Variants in GRM1 observed in about 807,000 individuals in gnomAD.
The protein encoded by GRM1 is metabotropic glutamate receptor 1.
GRM1 carries 33 observed loss-of-function variants against 90.9 expected under a neutral mutation model. That is an observed-to-expected ratio of 0.36 (90% CI 0.28 to 0.49). The LOEUF is 0.49. GRM1 is among the 20% of genes least tolerant of loss of function. GRM1 has a pLI of 0.99. For synonymous variants in GRM1, 700 were observed against 613.2 expected, an observed-to-expected ratio of 1.14 and a Z score of -2.09; for missense variants, 1,190 against 1,534.3, an observed-to-expected ratio of 0.78 and a Z score of 3.75.
intron 7 of GRM1, among the ~76,000 whole-genome samples, chr6:146,419,412 A>T (rs974913266): frequency 7.2e-5 from 11 of 152,178 alleles, no homozygotes; most frequent in Admixed American, 5.9e-4. Context: ...GATTAATGAG[A>T]CTCAAATTTC....
intron 1 of GRM1, among the ~76,000 whole-genome samples, chr6:146,149,377 G>A (rs1777232723): frequency 6.6e-6 from 1 of 152,120 alleles, no homozygotes; most frequent in African/African-American, 2.4e-5. Context: ...AGCAACATGG[G>A]CATAAAGCTA....
chr6:146,306,256 C>T (rs1219223996), intron 3 of GRM1, among the ~76,000 whole-genome samples: 15 of 152,286 alleles, frequency 9.8e-5, no homozygotes, highest in Non-Finnish European at 1.5e-5. Flanking sequence ...AAATAATAGA[C>T]ATCTCCTTTC....
At chr6:146,124,433 T>C (rs1776119410) in intron 1 of GRM1, among the ~76,000 whole-genome samples, 1 of 152,178 alleles carries the variant, frequency 6.6e-6, no homozygotes, top group African/African-American at 2.4e-5. Flanking sequence ...TATTTAGTTT[T>C]TCCACACACA....
intron 2 of GRM1, among the ~76,000 whole-genome samples, chr6:146,246,859 A>G (rs1451885075): frequency 6.6e-6 from 1 of 152,222 alleles, no homozygotes; most frequent in African/African-American, 2.4e-5. Flanking sequence ...AGGTATCTGG[A>G]TAATAATAGG....
At position 146,270,845 on chromosome 6, in the gene GRM1, TTCTTTTTCTTTCTTTCTTTC is replaced by T. The variant is rs1230096895; in HGVS notation, c.951-33764_951-33745del. ...TGCCTGCCTGCCTGCCTGCCTTTCT[TTCTTTTTCTTTCTTTCTTTC>T]TTTCTTTCTTTCTTTCTTTCTTTCT... On this transcript the variant is annotated intron_variant, in intron 2 of 7. Transcript: ENST00000282753. Among the ~76,000 whole-genome samples the T allele has an allele frequency of 3.9e-3, 578 of 146,516 alleles. 9 individuals are homozygous for T. The highest frequency in any genetic ancestry group is 0.013 in the African/African-American group (500 of 38,542).
intron 1 of GRM1, among the ~76,000 whole-genome samples, chr6:146,129,970 C>A (rs1219045198): frequency 6.6e-6 from 1 of 151,926 alleles, no homozygotes; most frequent in Admixed American, 6.6e-5. Flanking sequence ...ACTAGACATT[C>A]TTGGTGGTCA....
intron 5 of GRM1, among the ~76,000 whole-genome samples, chr6:146,380,833 G>T (rs982133039): frequency 6.6e-6 from 1 of 152,108 alleles, no homozygotes. Context: ...CAGTTAGCAG[G>T]TGATAAATGC....
rs1790963781 is a variant in GRM1 at position 146,038,248 on chromosome 6, C to A, written c.700+8031C>A. On this transcript the variant is annotated intron_variant, in intron 1 of 7. Transcript: ENST00000282753. The stretch of plus-strand genomic sequence containing the variant: ...GTCAGACATCTCTGTGACACCATCT[C>A]TACCACAAGTAACTAGAAGTGGTAT... 2.0e-5 allele frequency among the ~76,000 whole-genome samples: 3 copies of A among 151,890 alleles called. No homozygotes were observed. In the South Asian group the frequency reaches 6.2e-4, roughly 31 times the overall value.
intron 1 of GRM1, among the ~76,000 whole-genome samples, chr6:146,083,754 A>T (rs140766291): frequency 0.053 from 8,108 of 152,242 alleles, 708 homozygotes; most frequent in African/African-American, 0.18. Context: ...TCATAAAATG[A>T]GTTAGGGAGG....
chr6:146,350,643 A>G (rs1324382323), intron 3 of GRM1, among the ~76,000 whole-genome samples: 2 of 152,178 alleles, frequency 1.3e-5, no homozygotes, highest in African/African-American at 4.8e-5. Flanking sequence ...GAAAACCAAC[A>G]GTAAGGGCCA....
At chr6:146,200,097 T>C (rs573931129) in intron 2 of GRM1, among the ~76,000 whole-genome samples, 2 of 152,308 alleles carry the variant, frequency 1.3e-5, no homozygotes, top group South Asian at 4.1e-4. Context: ...TTCCAGATTT[T>C]CCTGGAACTA....
At position 146,177,234 on chromosome 6, in the gene GRM1, C is replaced by T. The variant is rs73573176; in HGVS notation, c.950+17637C>T. On this transcript the variant is annotated intron_variant, in intron 2 of 7. Transcript: ENST00000282753. ...AATATATGATTTCCTAATCTCAACC[C>T]AGGGGAATAACTAGAACTGACATGT... is the stretch of plus-strand genomic sequence containing the variant. 9.9e-3 allele frequency among the ~76,000 whole-genome samples: 1,503 copies of T among 152,126 alleles called. 22 individuals are homozygous for T. The highest frequency in any genetic ancestry group is 0.034 in the African/African-American group (1,424 of 41,514).
chr6:146,245,894 A>C (rs1456811883), intron 2 of GRM1, among the ~76,000 whole-genome samples: 1 of 152,228 alleles, frequency 6.6e-6, no homozygotes. Flanking sequence ...CAATACAATA[A>C]GATAGAATGG....
intron 2 of GRM1, among the ~76,000 whole-genome samples, chr6:146,253,185 T>G (rs548368480): frequency 2.6e-5 from 4 of 152,354 alleles, no homozygotes; most frequent in African/African-American, 7.2e-5. Flanking sequence ...TCTGCTTTTA[T>G]AAAGATCCTT....
At chr6:146,187,364 A>G (rs955542802) in intron 2 of GRM1, among the ~76,000 whole-genome samples, 4 of 152,168 alleles carry the variant, frequency 2.6e-5, no homozygotes, top group African/African-American at 7.2e-5. Context: ...GCTAATACAG[A>G]CAGAAGGTGT....
chr6:146,291,971 A>G (rs1783002100), intron 2 of GRM1, among the ~76,000 whole-genome samples: 1 of 152,156 alleles, frequency 6.6e-6, no homozygotes, highest in African/African-American at 2.4e-5. Flanking sequence ...ACAGATATTA[A>G]CATATAGTCA....
chr6:146,309,771 T>C (rs967554777), intron 3 of GRM1, among the ~76,000 whole-genome samples: 2 of 152,226 alleles, frequency 1.3e-5, no homozygotes, highest in Non-Finnish European at 2.9e-5. Flanking sequence ...TTTGGGATTG[T>C]TCCTTTACAG....
At chr6:146,253,604 T>A (rs1319108165) in intron 2 of GRM1, among the ~76,000 whole-genome samples, 1 of 152,188 alleles carries the variant, frequency 6.6e-6, no homozygotes, top group Non-Finnish European at 1.5e-5. Flanking sequence ...CCTTTGTTTC[T>A]TAAAATCAAT....
At chr6:146,141,730 C>A (rs755819289) in intron 1 of GRM1, among the ~76,000 whole-genome samples, 16 of 152,054 alleles carry the variant, frequency 1.1e-4, no homozygotes, top group Non-Finnish European at 2.2e-4. Flanking sequence ...CTGCTTGATT[C>A]TTTTTAATTA....
Sources: allele counts gnomAD v4.1 joint callset (sites outside exome capture counted in the v4.1 genomes callset), GRCh38; gene constraint gnomAD v4.1.1; transcripts MANE v1.5; gene names NCBI Gene and HGNC (gene_info 2026-07-23, HGNC 2026-07-21).